The following PRELID2 variants were observed in gnomAD, a reference collection of about 807,000 sequenced individuals.
PRELID2 encodes the protein PRELI domain-containing protein 2.
In PRELID2, 25 loss-of-function variants were observed where a neutral mutation model predicts 28.4. That is an observed-to-expected ratio of 0.88 (90% CI 0.64 to 1.23). The LOEUF (loss-of-function observed/expected upper bound fraction) is 1.23. Ranked by LOEUF, PRELID2 falls within the 50% of genes most tolerant of loss-of-function variation. The pLI is 0.00. For synonymous variants in PRELID2, 76 were observed against 71.6 expected, an observed-to-expected ratio of 1.06 and a Z score of -0.31; for missense variants, 201 against 214.4, an observed-to-expected ratio of 0.94 and a Z score of 0.39.
chr5:145,544,925 C>T (rs1752773040), intron 1 of PRELID2, among the ~76,000 whole-genome samples: 1 of 152,082 alleles, frequency 6.6e-6, no homozygotes, highest in Non-Finnish European at 1.5e-5. Flanking sequence ...CCTCAACAAA[C>T]TTTAGTTGCA....
chr5:145,789,825 G>A (rs1264888296), intron 5 of PRELID2, among the ~76,000 whole-genome samples: 2 of 151,948 alleles, frequency 1.3e-5, no homozygotes, highest in Non-Finnish European at 2.9e-5. Context: ...TTAAGAAATG[G>A]GCAAAGAACC....
the PRELID2 span, among the ~76,000 whole-genome samples, chr5:145,320,201 T>G: frequency 6.6e-6 from 1 of 152,118 alleles, no homozygotes; most frequent in Non-Finnish European, 1.5e-5. Context: ...TCCTGAGTGC[T>G]CCTTAAACTA....
At chr5:145,704,986 C>A (rs923649439) in intron 1 of PRELID2, among the ~76,000 whole-genome samples, 5 of 152,138 alleles carry the variant, frequency 3.3e-5, no homozygotes, top group African/African-American at 9.7e-5. Flanking sequence ...GGCAAATCCC[C>A]TATTTTTAAA....
chr5:145,369,969 T>TG, the PRELID2 span, among the ~76,000 whole-genome samples: 1 of 151,950 alleles, frequency 6.6e-6, no homozygotes, highest in Non-Finnish European at 1.5e-5. Flanking sequence ...GGTTTTTTTT[T>TG]TGTAAATTTG....
intron 1 of PRELID2, among the ~76,000 whole-genome samples, chr5:145,542,403 A>T (rs944551436): frequency 2.0e-5 from 3 of 152,166 alleles, no homozygotes; most frequent in Non-Finnish European, 4.4e-5. Context: ...CAGATCTTTT[A>T]TGCAACAGAT....
At chr5:145,271,405 G>A in the PRELID2 span, among the ~76,000 whole-genome samples, 1 of 151,884 alleles carries the variant, frequency 6.6e-6, no homozygotes, top group Admixed American at 6.6e-5. Context: ...TTGTAGAGAT[G>A]AGGTCTCACT....
At chr5:145,545,777 A>G (rs1223728749) in intron 1 of PRELID2, among the ~76,000 whole-genome samples, 1 of 152,182 alleles carries the variant, frequency 6.6e-6, no homozygotes, top group African/African-American at 2.4e-5. Flanking sequence ...GTCAAATGAG[A>G]TACTTTCTCC....
At chr5:145,350,867 G>C in the PRELID2 span, among the ~76,000 whole-genome samples, 1 of 152,148 alleles carries the variant, frequency 6.6e-6, no homozygotes, top group African/African-American at 2.4e-5. Flanking sequence ...TTTCCTGAAA[G>C]GGAGCATCCT....
At chr5:145,817,202 A>AAAAAT (rs1341052896) in intron 4 of PRELID2, among the ~76,000 whole-genome samples, 2 of 51,386 alleles carry the variant, frequency 3.9e-5, no homozygotes, top group African/African-American at 1.0e-4. Flanking sequence ...AAAAAAAATA[A>AAAAAT]ATAAATAAAT....
intron 1 of PRELID2, among the ~76,000 whole-genome samples, chr5:145,537,034 C>T (rs538749739): frequency 5.3e-5 from 8 of 151,834 alleles, no homozygotes; most frequent in Middle Eastern, 6.8e-3. Flanking sequence ...ACTGATAAAA[C>T]AAAGAGAAGT....
intron 1 of PRELID2, among the ~76,000 whole-genome samples, chr5:145,612,727 T>G (rs977928323): frequency 6.6e-6 from 1 of 152,226 alleles, no homozygotes; most frequent in Non-Finnish European, 1.5e-5. Context: ...TTTCCATTCC[T>G]GAGTTACTTC....
At chr5:145,368,894 T>C in the PRELID2 span, among the ~76,000 whole-genome samples, 1 of 151,706 alleles carries the variant, frequency 6.6e-6, no homozygotes, top group Non-Finnish European at 1.5e-5. Context: ...GGTTGTTACA[T>C]AGATCATTTC....
At chr5:145,535,125 C>T (rs558850295) in intron 1 of PRELID2, among the ~76,000 whole-genome samples, 2 of 152,004 alleles carry the variant, frequency 1.3e-5, no homozygotes, top group Admixed American at 6.6e-5. Context: ...CCTTTTCCCC[C>T]TATGTATCTC....
At chr5:145,296,878 G>A in the PRELID2 span, among the ~76,000 whole-genome samples, 1 of 152,142 alleles carries the variant, frequency 6.6e-6, no homozygotes, top group Non-Finnish European at 1.5e-5. Flanking sequence ...TTTAATGATT[G>A]TCATTCTAAC....
chr5:145,782,412 T>C (rs554192260), intron 5 of PRELID2, among the ~76,000 whole-genome samples: 147 of 152,222 alleles, frequency 9.7e-4, no homozygotes, highest in African/African-American at 3.3e-3. Context: ...AACAGAAAGG[T>C]GGGAGTAACC....
At chr5:145,666,930 C>T (rs1469297862) in intron 1 of PRELID2, among the ~76,000 whole-genome samples, 1 of 151,842 alleles carries the variant, frequency 6.6e-6, no homozygotes, top group African/African-American at 2.4e-5. Context: ...TATACGTGAC[C>T]AATTTAAGAT....
intron 5 of PRELID2, among the ~76,000 whole-genome samples, chr5:145,780,009 C>T (rs1758686667): frequency 1.3e-5 from 2 of 152,172 alleles, no homozygotes; most frequent in South Asian, 2.1e-4. Context: ...GGTGAGACCT[C>T]GTCTCTTAAA....
At chr5:145,835,105 G>C (rs1755849275) in intron 1 of PRELID2, 72 bp downstream of exon 1, 1 of 1,062,796 alleles carries the variant, frequency 9.4e-7, no homozygotes, top group Admixed American at 2.2e-5. Context: ...GCTTCCGCGT[G>C]GATGAAGGAG....
chr5:145,315,214 C>T, the PRELID2 span, among the ~76,000 whole-genome samples: 1 of 151,752 alleles, frequency 6.6e-6, no homozygotes, highest in African/African-American at 2.4e-5. Flanking sequence ...GGACTACAGG[C>T]ACGTGCCACC....
Sources: allele counts gnomAD v4.1 joint callset (sites outside exome capture counted in the v4.1 genomes callset), GRCh38; gene constraint gnomAD v4.1.1; transcripts MANE v1.5; gene names NCBI Gene and HGNC (gene_info 2026-07-23, HGNC 2026-07-21).